The following SHROOM4 variants were observed in gnomAD, a reference collection of about 807,000 sequenced individuals.
SHROOM4 encodes the protein shroom family member 4.
A neutral mutation model predicts 80.3 loss-of-function variants in SHROOM4; 17 were observed. That is an observed-to-expected ratio of 0.21 (90% confidence interval 0.14 to 0.32). The LOEUF (loss-of-function observed/expected upper bound fraction) is 0.32, where lower values mean the gene tolerates loss of function less well. Ranked by LOEUF, SHROOM4 falls within the 10% of genes least tolerant of loss-of-function variation. The probability of loss-of-function intolerance (pLI) is 1.00; values close to 1 mark genes in which losing one functional copy is unlikely to be tolerated. For synonymous variants in SHROOM4, 400 were observed against 437.5 expected (o/e 0.91, Z 1.07); for missense variants, 993 against 1,140.3 (o/e 0.87, Z 1.86).
At chrX:50,761,280 T>G (rs1345291810) in intron 1 of SHROOM4, among the ~76,000 whole-genome samples, 1 of 111,647 alleles carries the variant, frequency 9.0e-6, no homozygotes, top group East Asian at 2.8e-4. Flanking sequence ...AGTGAGAACA[T>G]GCAGTATTTG....
intron 5 of SHROOM4, among the ~76,000 whole-genome samples, chrX:50,625,253 A>G (rs192703568): frequency 1.6e-3 from 178 of 112,488 alleles, no homozygotes; most frequent in African/African-American, 5.5e-3. Flanking sequence ...ATAGCCAGAA[A>G]TTGGAAACAA....
intron 2 of SHROOM4, among the ~76,000 whole-genome samples, chrX:50,685,835 T>C (rs1933057966): frequency 8.9e-6 from 1 of 111,966 alleles, no homozygotes; most frequent in Non-Finnish European, 1.9e-5. Context: ...GAGAGGTAGA[T>C]AACTTTCTAG....
intron 1 of SHROOM4, among the ~76,000 whole-genome samples, chrX:50,751,639 G>A (rs1457393505): frequency 8.9e-6 from 1 of 111,808 alleles, no homozygotes; most frequent in African/African-American, 3.3e-5. Context: ...GGAAATACAA[G>A]ATCTGCTCTG....
At chrX:50,713,870 T>G (rs1557264605) in intron 1 of SHROOM4, among the ~76,000 whole-genome samples, 1 of 112,222 alleles carries the variant, frequency 8.9e-6, no homozygotes, top group Non-Finnish European at 1.9e-5. Context: ...TTTTGAGGTC[T>G]CAGCCATAAA....
chrX:50,645,631 AGAT>A (rs2147327398), intron 2 of SHROOM4, among the ~76,000 whole-genome samples: 1 of 112,057 alleles, frequency 8.9e-6, no homozygotes, highest in South Asian at 3.8e-4. Flanking sequence ...CGTTGAGGGA[AGAT>A]GAGAGAGAAA....
chrX:50,723,364 AGGAG>A (rs1208919264), intron 1 of SHROOM4, among the ~76,000 whole-genome samples: 1 of 18,070 alleles, frequency 5.5e-5, no homozygotes, highest in African/African-American at 1.7e-4. Flanking sequence ...GAGGGAAGGA[AGGAG>A]GGAGGGAGGG....
At chrX:50,744,773 C>T (rs1934740563) in intron 1 of SHROOM4, among the ~76,000 whole-genome samples, 1 of 111,911 alleles carries the variant, frequency 8.9e-6, no homozygotes. Flanking sequence ...TTTGTTTCTG[C>T]TTTTTCTCTA....
At chrX:50,652,820 G>C (rs1191211159) in intron 2 of SHROOM4, among the ~76,000 whole-genome samples, 50 of 112,208 alleles carry the variant, frequency 4.5e-4, no homozygotes, top group Non-Finnish European at 8.5e-4. Flanking sequence ...TTATTAAATA[G>C]GGAATCCTTT....
chrX:50,614,635 A>G (rs1405582194), intron 5 of SHROOM4, among the ~76,000 whole-genome samples: 2 of 112,676 alleles, frequency 1.8e-5, no homozygotes, highest in African/African-American at 6.4e-5. Context: ...AGTTGAAATT[A>G]GCATAACTCC....
At chrX:50,801,833 A>G (rs1557272631) in intron 1 of SHROOM4, among the ~76,000 whole-genome samples, 1 of 112,059 alleles carries the variant, frequency 8.9e-6, no homozygotes, top group Admixed American at 9.5e-5. Context: ...ATAAATTACA[A>G]GCTATTTCAT....
intron 1 of SHROOM4, among the ~76,000 whole-genome samples, chrX:50,750,776 T>A (rs1312183739): frequency 8.9e-6 from 1 of 111,925 alleles, no homozygotes; most frequent in Non-Finnish European, 1.9e-5. Flanking sequence ...ATATTTATCA[T>A]CCTTCATCAT....
chrX:50,812,412 G>A (rs1014434600), intron 1 of SHROOM4, among the ~76,000 whole-genome samples: 2 of 107,693 alleles, frequency 1.9e-5, no homozygotes, highest in African/African-American at 6.8e-5. Flanking sequence ...GATGACAAAC[G>A]CATCTCAGGC....
intron 1 of SHROOM4, among the ~76,000 whole-genome samples, chrX:50,779,063 T>C (rs1232322529): frequency 2.7e-5 from 3 of 112,146 alleles, no homozygotes; most frequent in Non-Finnish European, 3.8e-5. Flanking sequence ...AAGGTAATTA[T>C]AATAAGTATT....
chrX:50,705,350 G>A (rs1298616515), intron 1 of SHROOM4, among the ~76,000 whole-genome samples: 2 of 111,480 alleles, frequency 1.8e-5, no homozygotes, highest in Non-Finnish European at 3.8e-5. Context: ...CTTTTGCAAT[G>A]ACAGGATTAA....
intron 1 of SHROOM4, among the ~76,000 whole-genome samples, chrX:50,763,694 T>C (rs1347998994): frequency 1.8e-5 from 2 of 111,714 alleles, no homozygotes; most frequent in East Asian, 2.8e-4. Context: ...TACCTAGTGA[T>C]TGGTCAGAAT....
intron 2 of SHROOM4, among the ~76,000 whole-genome samples, chrX:50,666,229 A>G (rs1165703524): frequency 9.0e-6 from 1 of 111,597 alleles, no homozygotes; most frequent in Non-Finnish European, 1.9e-5. Context: ...GTCTCAGGCC[A>G]AGCAAGCTAC....
chrX:50,602,918 G>A (rs1290554206), intron 6 of SHROOM4, 105 bp from the exon 7 acceptor site: 2 of 811,820 alleles, frequency 2.5e-6, no homozygotes, highest in African/African-American at 2.1e-5. Context: ...CTTCACCAAG[G>A]AGTTGAAAAA....
chrX:50,692,445 G>A (rs1485522777), intron 2 of SHROOM4, among the ~76,000 whole-genome samples: 1 of 111,711 alleles, frequency 9.0e-6, no homozygotes, highest in African/African-American at 3.3e-5. Context: ...GGAAACAAAT[G>A]GGAATGAAAT....
chrX:50,578,339 C>T, the SHROOM4 span, among the ~76,000 whole-genome samples: 1 of 112,533 alleles, frequency 8.9e-6, no homozygotes, highest in Non-Finnish European at 1.9e-5. Flanking sequence ...CGGAGTCTCG[C>T]TCTGTTGCAC....
Sources: allele counts gnomAD v4.1 joint callset (sites outside exome capture counted in the v4.1 genomes callset), GRCh38; gene constraint gnomAD v4.1.1; transcripts MANE v1.5; gene names NCBI Gene and HGNC (gene_info 2026-07-23, HGNC 2026-07-21).